Variants in GALNT13 observed in about 807,000 individuals in gnomAD.
The protein encoded by GALNT13 is polypeptide N-acetylgalactosaminyltransferase 13.
In GALNT13, 28 loss-of-function variants were observed where a neutral mutation model predicts 64.2. The ratio of observed to expected loss-of-function variants is 0.44; its 90% CI spans 0.32 to 0.60. The LOEUF (loss-of-function observed/expected upper bound fraction) is 0.60, where lower values mean the gene tolerates loss of function less well. GALNT13 is among the 20% of genes least tolerant of loss of function. The pLI is 0.05. For missense variants in GALNT13, 577 were observed against 669.8 expected (o/e 0.86, Z 1.53); for synonymous variants, 214 against 224.6 (o/e 0.95, Z 0.42).
At chr2:153,936,188 A>T (rs1690900537) in intron 2 of GALNT13, among the ~76,000 whole-genome samples, 2 of 152,364 alleles carry the variant, frequency 1.3e-5, no homozygotes. Context: ...ATACAACAAT[A>T]AAATCACAGA....
chr2:153,165,040 G>A, the GALNT13 span, among the ~76,000 whole-genome samples: 1 of 152,196 alleles, frequency 6.6e-6, no homozygotes, highest in African/African-American at 2.4e-5. Context: ...TTATAAGTCA[G>A]TTTGAATATC....
At chr2:153,785,049 A>G in the GALNT13 span, among the ~76,000 whole-genome samples, 1 of 151,944 alleles carries the variant, frequency 6.6e-6, no homozygotes, top group Non-Finnish European at 1.5e-5. Flanking sequence ...CACCCTCATC[A>G]ATTTTTTCCA....
intron 3 of GALNT13, among the ~76,000 whole-genome samples, chr2:153,988,095 C>T (rs1035704107): frequency 1.3e-5 from 2 of 151,632 alleles, no homozygotes; most frequent in African/African-American, 4.8e-5. Context: ...CACACACACA[C>T]ACACATATAC....
chr2:153,103,683 T>C, the GALNT13 span, among the ~76,000 whole-genome samples: 1 of 152,210 alleles, frequency 6.6e-6, no homozygotes, highest in Non-Finnish European at 1.5e-5. Flanking sequence ...TTTGAAAGTC[T>C]TTTTTGGTTT....
At chr2:154,313,855 T>C (rs1694188689) in intron 9 of GALNT13, among the ~76,000 whole-genome samples, 1 of 150,200 alleles carries the variant, frequency 6.7e-6, no homozygotes, top group Non-Finnish European at 1.5e-5. Flanking sequence ...AAAACATGGA[T>C]ACCTCTAGTC....
At chr2:153,430,599 G>A in the GALNT13 span, among the ~76,000 whole-genome samples, 1 of 150,330 alleles carries the variant, frequency 6.7e-6, no homozygotes, top group Non-Finnish European at 1.5e-5. Flanking sequence ...GATCTCTTGA[G>A]TCTTTAAGTA....
chr2:153,959,178 A>AT (rs149177400), intron 3 of GALNT13, among the ~76,000 whole-genome samples: 1,640 of 152,318 alleles, frequency 0.011, 31 homozygotes, highest in African/African-American at 0.037. Flanking sequence ...CCCAGAGCAT[A>AT]TTGGGGGGTG....
At chr2:154,308,276 G>A (rs568885854) in intron 9 of GALNT13, among the ~76,000 whole-genome samples, 54 of 152,054 alleles carry the variant, frequency 3.6e-4, no homozygotes, top group African/African-American at 1.2e-3. Flanking sequence ...CTCCCTATTC[G>A]TTAACCTTTT....
At chr2:154,155,709 T>A (rs1179773844) in intron 4 of GALNT13, among the ~76,000 whole-genome samples, 3 of 151,990 alleles carry the variant, frequency 2.0e-5, no homozygotes, top group African/African-American at 7.2e-5. Context: ...AGTCTCCCTG[T>A]AGAAGCCAGT....
the GALNT13 span, among the ~76,000 whole-genome samples, chr2:153,811,058 G>C: frequency 6.6e-6 from 1 of 152,030 alleles, no homozygotes; most frequent in Admixed American, 6.6e-5. Flanking sequence ...AGTGAGAATT[G>C]AATTAATTCA....
intron 3 of GALNT13, among the ~76,000 whole-genome samples, chr2:153,969,446 A>G (rs1030769290): frequency 6.6e-6 from 1 of 152,088 alleles, no homozygotes; most frequent in African/African-American, 2.4e-5. Context: ...ATTTTGTTCA[A>G]TATAGAAAAA....
the GALNT13 span, among the ~76,000 whole-genome samples, chr2:153,722,412 G>GCAAA: frequency 7.1e-6 from 1 of 140,296 alleles, no homozygotes; most frequent in Admixed American, 6.9e-5. Context: ...AAAAGCAAGA[G>GCAAA]CAAACACATT....
intron 3 of GALNT13, among the ~76,000 whole-genome samples, chr2:154,083,680 C>A (rs550127985): frequency 6.6e-6 from 1 of 151,386 alleles, no homozygotes; most frequent in East Asian, 1.9e-4. Context: ...GGCAACTCAC[C>A]TTTTTATGAC....
chr2:153,627,386 A>G, the GALNT13 span, among the ~76,000 whole-genome samples: 1 of 152,078 alleles, frequency 6.6e-6, no homozygotes, highest in African/African-American at 2.4e-5. Flanking sequence ...GAATAAGTAG[A>G]TATTCTTTTA....
chr2:153,209,341 T>C, the GALNT13 span, among the ~76,000 whole-genome samples: 13 of 152,148 alleles, frequency 8.5e-5, no homozygotes, highest in Non-Finnish European at 1.8e-4. Context: ...TTTATTATTG[T>C]TGTTTGTATG....
the GALNT13 span, among the ~76,000 whole-genome samples, chr2:153,554,357 A>C: frequency 5.3e-5 from 8 of 152,138 alleles, no homozygotes; most frequent in East Asian, 1.4e-3. Flanking sequence ...AAAAGTTTGC[A>C]AATTCTAAGT....
the GALNT13 span, chr2:153,478,511 TG>T: frequency 6.2e-7 from 1 of 1,609,134 alleles, no homozygotes; most frequent in Non-Finnish European, 8.5e-7. Flanking sequence ...GCCTCGCTGC[TG>T]TTGGCCAGGA....
chr2:154,377,673 C>T (rs1403169016), intron 9 of GALNT13, among the ~76,000 whole-genome samples: 1 of 149,840 alleles, frequency 6.7e-6, no homozygotes, highest in Non-Finnish European at 1.5e-5. Context: ...ATTCATTCAT[C>T]ATTTATTATC....
intron 2 of GALNT13, among the ~76,000 whole-genome samples, chr2:153,908,950 A>G (rs1688761267): frequency 6.6e-6 from 1 of 152,080 alleles, no homozygotes; most frequent in Non-Finnish European, 1.5e-5. Context: ...ATAGTTTGAT[A>G]GGGATAGCAT....
Sources: gnomAD v4.1 joint callset for allele counts (sites outside exome capture counted in the v4.1 genomes callset) on GRCh38, gnomAD v4.1.1 for gene constraint, MANE v1.5 for transcripts, NCBI Gene and HGNC (gene_info 2026-07-23, HGNC 2026-07-21) for gene names.